The following PIGK variants were observed in gnomAD, a reference collection of about 807,000 sequenced individuals.
The protein encoded by PIGK is phosphatidylinositol glycan anchor biosynthesis class K, also known as GPI-anchor transamidase.
A neutral mutation model predicts 50.6 loss-of-function variants in PIGK; 42 were observed. That is an observed-to-expected ratio of 0.83 (90% CI 0.65 to 1.07). The LOEUF is 1.07. Among genes scored for constraint, PIGK ranks in the 50% least tolerant of loss-of-function variants. The probability of loss-of-function intolerance (pLI) is 0.00; values close to 1 mark genes in which losing one functional copy is unlikely to be tolerated. For synonymous variants in PIGK, 151 were observed against 156.0 expected, an observed-to-expected ratio of 0.97 and a Z score of 0.24; for missense variants, 448 against 488.7, an observed-to-expected ratio of 0.92 and a Z score of 0.78.
In PIGK at chr1:77,190,731, T is replaced by G. The variant is rs550913899; in HGVS notation, c.239+15909A>C. 5.9e-5 allele frequency among the ~76,000 whole-genome samples: 9 copies of G among 152,304 alleles called. No individual in the cohort carries two copies. In the East Asian group the frequency reaches 1.7e-3, roughly 29 times the overall value. On this transcript the variant is annotated intron_variant, in intron 3 of 10. Transcript: ENST00000370812. ...GCTAATATTCTAGACAGTCTCCAAT[T>G]AATTCCCCAAAGCCCCTGACTCATT...
At chr1:77,125,389 T>A (rs993038028) in intron 9 of PIGK, among the ~76,000 whole-genome samples, 3 of 152,196 alleles carry the variant, frequency 2.0e-5, no homozygotes, top group African/African-American at 7.2e-5. Context: ...GCAGCACTTT[T>A]TCCAAATGCA....
chr1:77,136,485 C>T (rs1478469764), intron 9 of PIGK, among the ~76,000 whole-genome samples: 2 of 147,026 alleles, frequency 1.4e-5, no homozygotes, highest in African/African-American at 5.1e-5. Context: ...GCCGAGATCC[C>T]GCCACTGCAC....
chr1:77,149,154 C>T (rs753926899), intron 9 of PIGK, among the ~76,000 whole-genome samples: 37 of 151,886 alleles, frequency 2.4e-4, no homozygotes, highest in Admixed American at 7.9e-4. Context: ...ATCATTTAAT[C>T]GCAAAGGAAA....
intron 8 of PIGK, 104 bp from the exon 9 acceptor site, chr1:77,154,725 C>T: frequency 1.3e-6 from 1 of 746,378 alleles, no homozygotes; most frequent in Non-Finnish European, 2.2e-6. Flanking sequence ...TAAAACTCTC[C>T]CAACCTAAAG....
intron 1 of PIGK, among the ~76,000 whole-genome samples, chr1:77,218,333 A>G (rs1656632684): frequency 6.6e-6 from 1 of 152,246 alleles, no homozygotes; most frequent in Admixed American, 6.5e-5. Context: ...CCTATGGAAA[A>G]CAAGATAAAG....
chr1:77,142,685 G>A (rs1301892098), intron 9 of PIGK, among the ~76,000 whole-genome samples: 1 of 152,040 alleles, frequency 6.6e-6, no homozygotes, highest in Non-Finnish European at 1.5e-5. Flanking sequence ...GCAAGCAGGG[G>A]AAAGGCCAGA....
In PIGK at chr1:77,162,385, T is replaced by C. The variant is rs540243130; in HGVS notation, c.585-674A>G. Among the ~76,000 whole-genome samples the C allele has an allele frequency of 2.6e-5, 4 of 152,174 alleles. No individual in the cohort carries two copies. In the East Asian group the frequency reaches 5.8e-4, roughly 22 times the overall value. On this transcript the variant is annotated intron_variant, in intron 6 of 10. Transcript: ENST00000370812. ...ACATTCCAGCAGAGAGAAAAGCACATAATGTAAAAAAGTATAAGTGCTTGG... is the reference window on the plus strand; with the variant it reads ...ACATTCCAGCAGAGAGAAAAGCACACAATGTAAAAAAGTATAAGTGCTTGG...
chr1:77,206,842 A>C (rs923120105), intron 2 of PIGK, 111 bp from the exon 3 acceptor site: 1 of 634,348 alleles, frequency 1.6e-6, no homozygotes, highest in African/African-American at 1.8e-5. Flanking sequence ...AGTATGCCAT[A>C]ATTCAGGCTT....
At chr1:77,172,274 C>CTTCA (rs1455961520) in intron 3 of PIGK, among the ~76,000 whole-genome samples, 4 of 152,164 alleles carry the variant, frequency 2.6e-5, no homozygotes, top group African/African-American at 9.7e-5. Context: ...AGCAGCCATA[C>CTTCA]TTCAACCACC....
intron 4 of PIGK, among the ~76,000 whole-genome samples, 199 bp downstream of exon 4, chr1:77,169,061 G>C (rs10157865): frequency 6.6e-6 from 1 of 151,934 alleles, no homozygotes; most frequent in Non-Finnish European, 1.5e-5. Context: ...TTCTGTCCTA[G>C]ATAAAAACAT....
intron 6 of PIGK, 81 bp from the exon 7 acceptor site, chr1:77,161,792 T>C: frequency 2.8e-6 from 2 of 724,210 alleles, no homozygotes; most frequent in Admixed American, 4.3e-5. Context: ...TTTTGTAAGA[T>C]GTTTAAATCA....
At chr1:77,199,426 A>T (rs1656111347) in intron 3 of PIGK, among the ~76,000 whole-genome samples, 1 of 152,060 alleles carries the variant, frequency 6.6e-6, no homozygotes, top group Admixed American at 6.6e-5. Flanking sequence ...AGAGAAGAAC[A>T]TTCAAAGGCA....
intron 10 of PIGK, among the ~76,000 whole-genome samples, chr1:77,107,476 T>C (rs1255566836): frequency 6.6e-6 from 1 of 152,198 alleles, no homozygotes; most frequent in African/African-American, 2.4e-5. Context: ...ATTTCTGTTC[T>C]TTTACATTTG....
chr1:77,134,958 C>T (rs1654464214), intron 9 of PIGK, among the ~76,000 whole-genome samples: 1 of 151,906 alleles, frequency 6.6e-6, no homozygotes, highest in Non-Finnish European at 1.5e-5. Context: ...ATGATTATAA[C>T]TATTACACTG....
intron 3 of PIGK, among the ~76,000 whole-genome samples, chr1:77,200,635 T>C (rs949586759): frequency 6.6e-6 from 1 of 152,178 alleles, no homozygotes; most frequent in African/African-American, 2.4e-5. Flanking sequence ...CAATGTATAT[T>C]AAAAGAATTC....
chr1:77,169,453 A>T, intron 3 of PIGK, 58 bp from the exon 4 acceptor site: 2 of 1,363,844 alleles, frequency 1.5e-6, no homozygotes, highest in Non-Finnish European at 2.0e-6. Flanking sequence ...AGTTAAACAC[A>T]AATTTATTTA....
At chr1:77,096,387 C>G (rs893802291) in intron 10 of PIGK, among the ~76,000 whole-genome samples, 1 of 152,228 alleles carries the variant, frequency 6.6e-6, no homozygotes, top group Non-Finnish European at 1.5e-5. Context: ...ATATCCCTAT[C>G]CTTTGAATCA....
chr1:77,100,106 C>CA (rs1653508543), intron 10 of PIGK, among the ~76,000 whole-genome samples: 1 of 152,020 alleles, frequency 6.6e-6, no homozygotes, highest in South Asian at 2.1e-4. Context: ...TAACAGAGCA[C>CA]AGATCTAAGT....
chr1:77,177,928 G>A (rs1287635221), intron 3 of PIGK, among the ~76,000 whole-genome samples: 4 of 152,014 alleles, frequency 2.6e-5, no homozygotes, highest in African/African-American at 9.7e-5. Flanking sequence ...AACCAGGAAA[G>A]TTTCTCCCCA....
Sources: allele counts gnomAD v4.1 joint callset (sites outside exome capture counted in the v4.1 genomes callset), GRCh38; gene constraint gnomAD v4.1.1; transcripts MANE v1.5; gene names NCBI Gene and HGNC (gene_info 2026-07-23, HGNC 2026-07-21).